The following TMTC3 variants were observed in gnomAD, a reference collection of about 807,000 sequenced individuals.
TMTC3 encodes transmembrane O-mannosyltransferase targeting cadherins 3.
A neutral mutation model predicts 92.2 loss-of-function variants in TMTC3; 52 were observed. The observed-to-expected ratio is 0.56, with a 90% confidence interval of 0.45 to 0.71. TMTC3 has a LOEUF of 0.71. TMTC3 is among the 30% of genes least tolerant of loss of function. The pLI, the probability that TMTC3 is intolerant of heterozygous loss-of-function variation, is 0.00. For missense variants in TMTC3, 896 were observed against 1,057.1 expected (o/e 0.85, Z 2.11); for synonymous variants, 339 against 363.3 (o/e 0.93, Z 0.76).
At chr12:88,150,532 A>T (rs886383780) in intron 2 of TMTC3, among the ~76,000 whole-genome samples, 9 of 152,228 alleles carry the variant, frequency 5.9e-5, no homozygotes, top group Non-Finnish European at 1.0e-4. Context: ...CCGTAAGCAG[A>T]TGGACTAAGA....
In TMTC3 at chr12:88,195,256, A is replaced by C. The variant is rs1422520694; in HGVS notation, c.2352A>C (p.Glu784Asp). ...ATCTTTGTGTTGTTTATTTTGAAGAAAAAGACTTATTAAAAGCTGAAAGAT... is the reference window on the plus strand; with the variant it reads ...ATCTTTGTGTTGTTTATTTTGAAGACAAAGACTTATTAAAAGCTGAAAGAT... ...KHNLCVVYFE[E>D]KDLLKAERCL... Residue 784 changes from glutamate (E) to aspartate (D), a missense_variant, in exon 14 of 14, where the codon GAA becomes GAC. Physicochemically the swap from Glu to Asp is conservative, Grantham distance 45. Transcript: ENST00000266712. 5 of 1,613,752 alleles carry C rather than the reference A, an allele frequency of 3.1e-6. No individual in the cohort carries two copies. The highest frequency in any genetic ancestry group is 4.2e-6 in the Non-Finnish European group (5 of 1,179,916).
intron 6 of TMTC3, among the ~76,000 whole-genome samples, chr12:88,163,018 C>G (rs549895327): frequency 1.3e-5 from 2 of 151,382 alleles, no homozygotes; most frequent in Admixed American, 6.6e-5. Flanking sequence ...CAGGTTTAAA[C>G]GATTCTCCTG....
chr12:88,151,442 C>T (rs769853303), intron 2 of TMTC3, among the ~76,000 whole-genome samples: 4 of 151,912 alleles, frequency 2.6e-5, no homozygotes, highest in Non-Finnish European at 4.4e-5. Flanking sequence ...TTAATATGCC[C>T]GAAAGTAATA....
At chr12:88,167,164 G>C (rs931460631) in intron 7 of TMTC3, among the ~76,000 whole-genome samples, 5 of 152,182 alleles carry the variant, frequency 3.3e-5, no homozygotes, top group African/African-American at 1.2e-4. Flanking sequence ...AGAGGCCAAG[G>C]CAGGTGGATC....
rs60468231 is a variant in TMTC3, at chr12:88,197,259, A to ATTTTTTTTT, written c.*1627_*1635dup. 3 of 110,592 alleles carry ATTTTTTTTT rather than the reference A, an allele frequency of 2.7e-5. No homozygotes were observed. Among genetic ancestry groups the ATTTTTTTTT allele is most frequent in the Admixed American group, 9.8e-5 (1 of 10,236 alleles). 6.9% of individuals were successfully genotyped at this position (110,592 alleles called of 1,614,324 possible). A position where few individuals can be genotyped will look rare whatever the true frequency, so the allele number is the denominator to read the frequency against. On this transcript the variant is annotated 3_prime_UTR_variant, in exon 14 of 14. Transcript: ENST00000266712. Reference sequence around the variant, plus strand: ...TAGGTTCCCTAAGGATCTGCCATAGATTTTTTTTTTTTTTTTTTTTTTTTT... The same window carrying ATTTTTTTTT: ...TAGGTTCCCTAAGGATCTGCCATAGATTTTTTTTTTTTTTTTTTTTTTTTTTTTTTTTTT...
chr12:88,183,076 C>T (rs1592746027), intron 10 of TMTC3, among the ~76,000 whole-genome samples: 1 of 152,246 alleles, frequency 6.6e-6, no homozygotes, highest in South Asian at 2.1e-4. Flanking sequence ...GGGCGAATTC[C>T]AAGGGCTGTT....
chr12:88,167,002 T>C (rs1274998008), intron 7 of TMTC3, among the ~76,000 whole-genome samples: 1 of 151,956 alleles, frequency 6.6e-6, no homozygotes, highest in African/African-American at 2.4e-5. Context: ...GTTTTTTTTT[T>C]TTTTTTTTGG....
chr12:88,192,028 C>CTTTTT lies in TMTC3; in HGVS notation c.1707-568_1707-564dup, dbSNP rs112229647. On this transcript the variant is annotated intron_variant, in intron 12 of 13. Transcript: ENST00000266712. ...CCAGCATTTTTCTTTTTTTTTTTTT[C>CTTTTT]TTTTTTTTTTTTAAGAATGGTCGTA... Among the ~76,000 whole-genome samples the CTTTTT allele has an allele frequency of 6.2e-3, 767 of 123,006 alleles. 25 individuals are homozygous for CTTTTT. Among genetic ancestry groups the CTTTTT allele is most frequent in the African/African-American group, 0.022 (738 of 33,278 alleles). The allele number at this position is 123,006 out of a possible 152,430, so 80.7% of individuals were successfully genotyped here.
chr12:88,182,123 A>C (rs1364757811), intron 10 of TMTC3, among the ~76,000 whole-genome samples: 4 of 152,236 alleles, frequency 2.6e-5, no homozygotes, highest in Non-Finnish European at 5.9e-5. Flanking sequence ...CAGCCTGTAT[A>C]GGTGACTTTA....
chr12:88,158,295 A>G (rs1019074856), intron 4 of TMTC3, among the ~76,000 whole-genome samples: 12 of 152,036 alleles, frequency 7.9e-5, no homozygotes, highest in African/African-American at 1.4e-4. Context: ...TCTCACCCCT[A>G]TTTATTTCTA....
At chr12:88,152,270 G>A (rs1200548830) in intron 2 of TMTC3, among the ~76,000 whole-genome samples, 5 of 152,154 alleles carry the variant, frequency 3.3e-5, no homozygotes, top group Non-Finnish European at 5.9e-5. Context: ...GGGGGAGCAG[G>A]TGTATCACAT....
intron 4 of TMTC3, among the ~76,000 whole-genome samples, chr12:88,156,067 G>A (rs562219747): frequency 5.3e-4 from 80 of 152,156 alleles, no homozygotes; most frequent in Non-Finnish European, 9.7e-4. Flanking sequence ...TCGAGATCAC[G>A]CCACCGCACT....
intron 10 of TMTC3, among the ~76,000 whole-genome samples, chr12:88,181,354 C>T (rs912866486): frequency 2.0e-5 from 3 of 152,036 alleles, no homozygotes; most frequent in Non-Finnish European, 2.9e-5. Flanking sequence ...GGGTTAACAC[C>T]TGTTGAAGGA....
At chr12:88,153,743 T>C (rs1285522985) in intron 3 of TMTC3, among the ~76,000 whole-genome samples, 1 of 152,092 alleles carries the variant, frequency 6.6e-6, no homozygotes, top group African/African-American at 2.4e-5. Flanking sequence ...ACATTTTTCA[T>C]TCAATAATAT....
In TMTC3 at chr12:88,163,244, G is replaced by A. The variant is rs550623815; in HGVS notation, c.797+2393G>A. Among the ~76,000 whole-genome samples the A allele has an allele frequency of 2.0e-5, 3 of 152,072 alleles. No individual in the cohort carries two copies. In the South Asian group the frequency reaches 6.2e-4, roughly 32 times the overall value. Reference sequence around the variant, plus strand: ...TCTTGCTTTTAAGCTTTGTTTTGTGGGACCACAATAGCATTTAGGATAAGA... The same window carrying A: ...TCTTGCTTTTAAGCTTTGTTTTGTGAGACCACAATAGCATTTAGGATAAGA... On this transcript the variant is annotated intron_variant, in intron 6 of 13. Transcript: ENST00000266712.
rs1221161223 is a variant in TMTC3, at chr12:88,175,002, T to G, written c.1320+275T>G. On this transcript the variant is annotated intron_variant, in intron 9 of 13. Transcript: ENST00000266712. ...TGACACAATGTTTAAATCAGAATACTATATTTCATTGGTTCTAAAGGTGCT... is the reference window on the plus strand; with the variant it reads ...TGACACAATGTTTAAATCAGAATACGATATTTCATTGGTTCTAAAGGTGCT... 2.6e-5 allele frequency among the ~76,000 whole-genome samples: 4 copies of G among 152,168 alleles called. No homozygotes were observed. In the East Asian group the frequency reaches 7.7e-4, roughly 29 times the overall value.
chr12:88,153,182 CT>C, intron 2 of TMTC3, 108 bp from the exon 3 acceptor site: 1 of 609,440 alleles, frequency 1.6e-6, no homozygotes, highest in South Asian at 2.6e-5. Flanking sequence ...ATTGTTATTT[CT>C]CAGTAAAATG....
rs753499909 is a variant in TMTC3, at chr12:88,195,210, G to A, written c.2306G>A (p.Ser769Asn). 1.1e-4 allele frequency: 184 copies of A among 1,613,716 alleles called. No individual in the cohort carries two copies. The highest frequency in any genetic ancestry group is 1.5e-4 in the Non-Finnish European group (173 of 1,179,916). Reference sequence around the variant, plus strand: ...GAAAGGATTTTGGAGATGGATCCAAGCAATGTGCAAGGAAAACACAATCTT... The same window carrying A: ...GAAAGGATTTTGGAGATGGATCCAAACAATGTGCAAGGAAAACACAATCTT... The part of the protein sequence containing the change: ...CFERILEMDP[S>N]NVQGKHNLCV... The change falls in exon 14 of 14, where the codon AGC becomes AAC. Residue 769 changes from serine to asparagine, a missense_variant. Ser to Asn is a conservative substitution (Grantham distance 46). Transcript: ENST00000266712.
At chr12:88,165,697 A>G (rs1314289465) in intron 6 of TMTC3, among the ~76,000 whole-genome samples, 3 of 152,126 alleles carry the variant, frequency 2.0e-5, no homozygotes, top group African/African-American at 7.2e-5. Context: ...AGCTTATATT[A>G]GTATTTACTA....
Sources: allele counts gnomAD v4.1 joint callset (sites outside exome capture counted in the v4.1 genomes callset), GRCh38; gene constraint gnomAD v4.1.1; transcripts MANE v1.5; gene names NCBI Gene and HGNC (gene_info 2026-07-23, HGNC 2026-07-21).